FAAH2: variants seen among roughly 807,000 people sequenced by gnomAD.
FAAH2 encodes fatty acid amide hydrolase 2.
A neutral mutation model predicts 36.9 loss-of-function variants in FAAH2; 60 were observed. The ratio of observed to expected loss-of-function variants is 1.63; its 90% CI spans 1.32 to 2.02. The LOEUF (loss-of-function observed/expected upper bound fraction) is 2.02, where lower values mean the gene tolerates loss of function less well. FAAH2 is among the 30% of genes most tolerant of loss of function. The pLI, the probability that FAAH2 is intolerant of heterozygous loss-of-function variation, is 0.00. For missense variants in FAAH2, 689 were observed against 397.5 expected, an observed-to-expected ratio of 1.73 and a Z score of -6.23; for synonymous variants, 214 against 143.8, an observed-to-expected ratio of 1.49 and a Z score of -3.49.
At chrX:57,400,607 A>G (rs1421702316) in intron 7 of FAAH2, among the ~76,000 whole-genome samples, 2 of 112,097 alleles carry the variant, frequency 1.8e-5, no homozygotes, top group Non-Finnish European at 3.8e-5. Flanking sequence ...ATTTCACTGT[A>G]CCTGGGAATC....
chrX:57,394,217 C>T lies in FAAH2; in HGVS notation c.996+13188C>T, dbSNP rs866252022. ...AAAGGTGGGGCCCTGAGAAGGCTGT[C>T]GCACACACATAAAAAAGTTCTGGTA... is the stretch of plus-strand genomic sequence containing the variant. On this transcript the variant is annotated intron_variant, in intron 7 of 10. Coordinates refer to ENST00000374900, the MANE Select transcript of FAAH2 (RefSeq NM_174912.4). The T allele has an allele frequency of 3.3e-5, 22 of 671,642 alleles. No individual in the cohort carries two copies. The Middle Eastern group carries it at 1.2e-3, about 38-fold the overall frequency. 55.4% of individuals were successfully genotyped at this position (671,642 alleles called of 1,213,427 possible). A position where few individuals can be genotyped will look rare whatever the true frequency, so the allele number is the denominator to read the frequency against.
chrX:57,338,899 GA>G (rs201661008), intron 4 of FAAH2, among the ~76,000 whole-genome samples: 5 of 108,653 alleles, frequency 4.6e-5, no homozygotes, highest in Admixed American at 9.8e-5. Flanking sequence ...AGAGAATTAG[GA>G]AAAAAAAACC....
the FAAH2 span, among the ~76,000 whole-genome samples, chrX:57,228,066 C>A: frequency 8.9e-6 from 1 of 112,121 alleles, no homozygotes; most frequent in South Asian, 3.7e-4. Context: ...CCAAGGTTTT[C>A]TTCACATTTG....
intron 8 of FAAH2, among the ~76,000 whole-genome samples, chrX:57,441,520 C>A (rs1184509805): frequency 9.1e-6 from 1 of 109,615 alleles, no homozygotes; most frequent in Non-Finnish European, 1.9e-5. Context: ...TGCTAGTGGT[C>A]TATCAATTTT....
At chrX:57,354,590 C>A (rs1292432575) in intron 5 of FAAH2, among the ~76,000 whole-genome samples, 1 of 110,276 alleles carries the variant, frequency 9.1e-6, no homozygotes, top group Non-Finnish European at 1.9e-5. Flanking sequence ...AAACTAAAAC[C>A]CACTGAATTA....
At chrX:57,417,257 T>G (rs919887004) in intron 7 of FAAH2, among the ~76,000 whole-genome samples, 10 of 112,065 alleles carry the variant, frequency 8.9e-5, no homozygotes, top group African/African-American at 3.2e-4. Context: ...TCTGTCCAGT[T>G]TTGTTCCCTT....
intron 10 of FAAH2, among the ~76,000 whole-genome samples, chrX:57,479,669 CT>C (rs1387569354): frequency 1.8e-5 from 2 of 111,372 alleles, no homozygotes; most frequent in East Asian, 5.7e-4. Context: ...CCATCAATAC[CT>C]AATTTATTGA....
intron 2 of FAAH2, among the ~76,000 whole-genome samples, chrX:57,300,628 GAGCTCCTGCAC>G (rs2052327890): frequency 9.0e-6 from 1 of 111,725 alleles, no homozygotes; most frequent in Non-Finnish European, 1.9e-5. Flanking sequence ...TTAAGCTAAA[GAGCTCCTGCAC>G]AGCAAAAGAA....
chrX:57,250,218 C>T, the FAAH2 span, among the ~76,000 whole-genome samples: 3 of 112,073 alleles, frequency 2.7e-5, no homozygotes, highest in East Asian at 8.4e-4. Context: ...CAACTAAACT[C>T]CTTCAAATAC....
At chrX:57,155,240 C>T in the FAAH2 span, among the ~76,000 whole-genome samples, 34 of 111,192 alleles carry the variant, frequency 3.1e-4, 2 homozygotes, top group Non-Finnish European at 1.9e-4. Flanking sequence ...AGAGAATATG[C>T]CCTTTGTCTT....
chrX:57,462,351 AC>A (rs375237458), intron 10 of FAAH2, among the ~76,000 whole-genome samples: 296 of 110,836 alleles, frequency 2.7e-3, no homozygotes, highest in African/African-American at 9.1e-3. Flanking sequence ...CAGAGACACA[AC>A]AAAAACAGAA....
the FAAH2 span, among the ~76,000 whole-genome samples, chrX:57,189,035 G>T: frequency 5.9e-3 from 659 of 111,138 alleles, 12 homozygotes; most frequent in African/African-American, 0.02. Flanking sequence ...TCAATTGTAG[G>T]TTTGGTCTTT....
At chrX:57,225,437 A>G in the FAAH2 span, among the ~76,000 whole-genome samples, 3 of 111,252 alleles carry the variant, frequency 2.7e-5, no homozygotes, top group Non-Finnish European at 5.7e-5. Flanking sequence ...ATTTCCATGT[A>G]TTTGCATGGT....
the FAAH2 span, among the ~76,000 whole-genome samples, chrX:57,128,409 A>C: frequency 7.1e-5 from 8 of 111,908 alleles, no homozygotes; most frequent in Non-Finnish European, 1.5e-4. Flanking sequence ...TGAGGACACA[A>C]CATATTAAAA....
chrX:57,123,270 G>C, the FAAH2 span, among the ~76,000 whole-genome samples: 2 of 111,388 alleles, frequency 1.8e-5, no homozygotes, highest in African/African-American at 6.5e-5. Flanking sequence ...TTTTGTCCTT[G>C]CGATAGTTTG....
At chrX:57,486,326 A>T (rs1398975944) in intron 10 of FAAH2, among the ~76,000 whole-genome samples, 1 of 111,362 alleles carries the variant, frequency 9.0e-6, no homozygotes, top group Non-Finnish European at 1.9e-5. Flanking sequence ...TGTTAGTGGG[A>T]TTGTCATACA....
intron 10 of FAAH2, among the ~76,000 whole-genome samples, chrX:57,466,919 G>A (rs1204645708): frequency 9.0e-6 from 1 of 111,188 alleles, no homozygotes; most frequent in Non-Finnish European, 1.9e-5. Flanking sequence ...CACATACACA[G>A]ACCATGCTGA....
chrX:57,286,858 G>A lies in FAAH2; in HGVS notation c.33G>A (p.Leu11=), dbSNP rs1305591542. 3 of 1,193,862 alleles carry A rather than the reference G, an allele frequency of 2.5e-6. No individual in the cohort carries two copies. The highest frequency in any genetic ancestry group is 3.4e-6 in the Non-Finnish European group (3 of 885,925). Residue 11 remains leucine, a synonymous_variant, in exon 1 of 11, where the codon TTG becomes TTA. Coordinates refer to ENST00000374900, the MANE Select transcript of FAAH2 (RefSeq NM_174912.4). ...CTTCATTTACCGCCCGCATTCAGTTGTTCCTCTTGCGGGCGCTAGGCTTTC... is the reference window on the plus strand; with the variant it reads ...CTTCATTTACCGCCCGCATTCAGTTATTCCTCTTGCGGGCGCTAGGCTTTC... MAPSFTARIQ[L]FLLRALGFLI...
chrX:57,414,697 C>T (rs2055792822), intron 7 of FAAH2, among the ~76,000 whole-genome samples: 1 of 111,000 alleles, frequency 9.0e-6, no homozygotes, highest in East Asian at 2.8e-4. Flanking sequence ...TGTCTTTCTG[C>T]CAGGTTTTGG....
Sources: allele counts gnomAD v4.1 joint callset (sites outside exome capture counted in the v4.1 genomes callset), GRCh38; gene constraint gnomAD v4.1.1; transcripts MANE v1.5; gene names NCBI Gene and HGNC (gene_info 2026-07-23, HGNC 2026-07-21).